SNTG1: variants seen among roughly 807,000 people sequenced by gnomAD.
SNTG1 encodes gamma-1-syntrophin.
SNTG1 carries 39 observed loss-of-function variants against 74.7 expected under a neutral mutation model. The observed-to-expected ratio is 0.52, with a 90% confidence interval of 0.40 to 0.68. The LOEUF is 0.68. Among genes scored for constraint, SNTG1 ranks in the 30% least tolerant of loss-of-function variants. The pLI is 0.00. For missense variants in SNTG1, 685 were observed against 609.5 expected (o/e 1.12, Z -1.30); for synonymous variants, 254 against 217.1 (o/e 1.17, Z -1.49).
intron 12 of SNTG1, 94 bp downstream of exon 12, chr8:50,553,273 T>A: frequency 1.4e-6 from 2 of 1,476,204 alleles, no homozygotes; most frequent in Non-Finnish European, 1.8e-6. Context: ...TGTTTGGTGT[T>A]CTTCTCAGAA....
chr8:50,202,760 A>T (rs1396893235), intron 2 of SNTG1, among the ~76,000 whole-genome samples: 1 of 149,554 alleles, frequency 6.7e-6, no homozygotes, highest in Non-Finnish European at 1.5e-5. Flanking sequence ...CTCACCTCCC[A>T]TTCATGGCTT....
chr8:50,164,613 T>C (rs1364353360), intron 1 of SNTG1, among the ~76,000 whole-genome samples: 1 of 152,206 alleles, frequency 6.6e-6, no homozygotes, highest in Non-Finnish European at 1.5e-5. Flanking sequence ...TAATATAAAT[T>C]TCACTTATTT....
rs140048014 is a variant in SNTG1, at chr8:50,008,174, G to A, written c.-103+95943G>A. On this transcript the variant is annotated intron_variant, in intron 1 of 18. Coordinates refer to ENST00000642720, the MANE Select transcript of SNTG1 (RefSeq NM_018967.5). Reference sequence around the variant, plus strand: ...AAACCCACATGTTTCTATGTAGGAAGCAATACTTAGTTATTAAGAGCTCTA... The same window carrying A: ...AAACCCACATGTTTCTATGTAGGAAACAATACTTAGTTATTAAGAGCTCTA... 5.2e-3 allele frequency among the ~76,000 whole-genome samples: 797 copies of A among 152,250 alleles called. 5 individuals carry two copies. The highest frequency in any genetic ancestry group is 0.018 in the African/African-American group (763 of 41,542).
intron 1 of SNTG1, among the ~76,000 whole-genome samples, chr8:50,013,464 G>GAGAGAGATAGAT (rs1816009179): frequency 6.7e-6 from 1 of 148,414 alleles, no homozygotes; most frequent in African/African-American, 2.5e-5. Flanking sequence ...TGGGGATAGA[G>GAGAGAGATAGAT]AGATAGATAG....
chr8:50,119,141 T>A (rs1309039147), intron 1 of SNTG1, among the ~76,000 whole-genome samples: 1 of 141,162 alleles, frequency 7.1e-6, no homozygotes, highest in African/African-American at 2.6e-5. Flanking sequence ...TATTTCTGAT[T>A]TTCTTTTTTC....
chr8:50,559,798 C>T (rs1227596462), intron 12 of SNTG1, among the ~76,000 whole-genome samples: 2 of 152,142 alleles, frequency 1.3e-5, no homozygotes, highest in Non-Finnish European at 2.9e-5. Flanking sequence ...CAATACCTTT[C>T]AGTACATAGC....
chr8:50,778,364 G>A (rs1222698438), intron 18 of SNTG1, among the ~76,000 whole-genome samples: 4 of 152,114 alleles, frequency 2.6e-5, no homozygotes. Context: ...TCCAGGACCT[G>A]TTGTTTCCTG....
intron 2 of SNTG1, among the ~76,000 whole-genome samples, chr8:50,329,710 T>C (rs1194256938): frequency 6.6e-6 from 1 of 152,112 alleles, no homozygotes; most frequent in Non-Finnish European, 1.5e-5. Flanking sequence ...CCAAGATCTC[T>C]GACAAGCCCT....
At chr8:50,140,313 T>C (rs1227415740) in intron 1 of SNTG1, among the ~76,000 whole-genome samples, 1 of 152,206 alleles carries the variant, frequency 6.6e-6, no homozygotes, top group Non-Finnish European at 1.5e-5. Context: ...GTTGTATCCA[T>C]GTTCAGTCTT....
intron 1 of SNTG1, among the ~76,000 whole-genome samples, chr8:50,160,440 G>A (rs886285244): frequency 2.6e-5 from 4 of 152,078 alleles, no homozygotes; most frequent in African/African-American, 9.7e-5. Context: ...AAACCTCTCA[G>A]TTTTCTTAAA....
intron 2 of SNTG1, among the ~76,000 whole-genome samples, chr8:50,296,575 A>G (rs1382025697): frequency 6.6e-6 from 1 of 152,116 alleles, no homozygotes; most frequent in Non-Finnish European, 1.5e-5. Flanking sequence ...AAACACAGGG[A>G]CACAGGGAGG....
intron 4 of SNTG1, among the ~76,000 whole-genome samples, chr8:50,423,081 T>C (rs2093116132): frequency 6.6e-6 from 1 of 152,164 alleles, no homozygotes; most frequent in Non-Finnish European, 1.5e-5. Flanking sequence ...GGCTTTATTA[T>C]GATGATATAA....
intron 9 of SNTG1, among the ~76,000 whole-genome samples, chr8:50,509,112 G>T (rs1336343738): frequency 2.6e-5 from 4 of 152,180 alleles, no homozygotes; most frequent in African/African-American, 9.7e-5. Flanking sequence ...GTTTATGGAA[G>T]GGATCCAGTT....
intron 1 of SNTG1, among the ~76,000 whole-genome samples, chr8:50,087,502 A>G (rs902058430): frequency 1.3e-5 from 2 of 152,162 alleles, no homozygotes; most frequent in African/African-American, 4.8e-5. Flanking sequence ...TTTCTTGCAT[A>G]CCTCTTCCTA....
intron 13 of SNTG1, among the ~76,000 whole-genome samples, chr8:50,605,123 CA>C (rs1221200584): frequency 1.3e-5 from 2 of 152,184 alleles, no homozygotes; most frequent in Non-Finnish European, 2.9e-5. Context: ...AGATTTAAGA[CA>C]AAGTCCTGTT....
intron 2 of SNTG1, among the ~76,000 whole-genome samples, chr8:50,319,095 T>C (rs535362132): frequency 6.6e-6 from 1 of 152,160 alleles, no homozygotes; most frequent in South Asian, 2.1e-4. Context: ...TCTATTTGTT[T>C]ACCTAGTGTT....
chr8:50,311,459 C>T (rs1247651611), intron 2 of SNTG1, among the ~76,000 whole-genome samples: 1 of 152,090 alleles, frequency 6.6e-6, no homozygotes. Flanking sequence ...GACAGAAAGC[C>T]TTTTCTTAAC....
chr8:50,202,652 A>G (rs2084032148), intron 2 of SNTG1, among the ~76,000 whole-genome samples: 1 of 152,130 alleles, frequency 6.6e-6, no homozygotes, highest in Non-Finnish European at 1.5e-5. Context: ...AGTTGATATA[A>G]AGTTATGTGC....
intron 15 of SNTG1, among the ~76,000 whole-genome samples, chr8:50,679,598 C>T (rs1344919037): frequency 6.6e-6 from 1 of 152,078 alleles, no homozygotes; most frequent in African/African-American, 2.4e-5. Context: ...TGGCAATTCC[C>T]TTATTTTTTA....
Sources: gnomAD v4.1 joint callset for allele counts (sites outside exome capture counted in the v4.1 genomes callset) on GRCh38, gnomAD v4.1.1 for gene constraint, MANE v1.5 for transcripts, NCBI Gene and HGNC (gene_info 2026-07-23, HGNC 2026-07-21) for gene names.